Variants in CACNA1C observed in about 807,000 individuals in gnomAD.
CACNA1C encodes calcium voltage-gated channel subunit alpha1 C.
CACNA1C carries 30 observed loss-of-function variants against 229.0 expected under a neutral mutation model. The observed-to-expected ratio is 0.13, with a 90% CI of 0.10 to 0.18. CACNA1C has a LOEUF of 0.18. Among genes scored for constraint, CACNA1C ranks in the 10% least tolerant of loss-of-function variants. The pLI, the probability that CACNA1C is intolerant of heterozygous loss-of-function variation, is 1.00. For missense variants in CACNA1C, 1,658 were observed against 2,845.0 expected (o/e 0.58, Z 9.49); for synonymous variants, 1,114 against 1,132.5 (o/e 0.98, Z 0.33).
chr12:2,304,232 G>A (rs903274676), intron 3 of CACNA1C, among the ~76,000 whole-genome samples: 2 of 152,174 alleles, frequency 1.3e-5, no homozygotes, highest in African/African-American at 4.8e-5. Context: ...TGCCAGCCGG[G>A]CGTGTGTGTG....
At chr12:2,112,534 T>A (rs941169818) in intron 1 of CACNA1C, among the ~76,000 whole-genome samples, 4 of 152,038 alleles carry the variant, frequency 2.6e-5, no homozygotes, top group Non-Finnish European at 5.9e-5. Context: ...GGTGTCACAT[T>A]GAGAATGTGG....
At chr12:2,644,800 C>T (rs556642778) in intron 30 of CACNA1C, among the ~76,000 whole-genome samples, 5 of 152,344 alleles carry the variant, frequency 3.3e-5, no homozygotes, top group Admixed American at 3.3e-4. Context: ...AGAAAGACAG[C>T]TTTCCAGAGA....
At chr12:2,081,601 A>G (rs1267711300) in intron 1 of CACNA1C, among the ~76,000 whole-genome samples, 1 of 152,126 alleles carries the variant, frequency 6.6e-6, no homozygotes, top group Non-Finnish European at 1.5e-5. Context: ...TTTCCTATAA[A>G]CAAAGGCTGA....
At chr12:2,413,513 A>G (rs1168008600) in intron 3 of CACNA1C, among the ~76,000 whole-genome samples, 1 of 152,120 alleles carries the variant, frequency 6.6e-6, no homozygotes, top group Non-Finnish European at 1.5e-5. Flanking sequence ...ATTGGACCAG[A>G]CATGTGTCAA....
chr12:2,623,332 T>G (rs1005811071), intron 29 of CACNA1C, among the ~76,000 whole-genome samples: 1 of 152,078 alleles, frequency 6.6e-6, no homozygotes, highest in African/African-American at 2.4e-5. Context: ...TGCTTGGTCC[T>G]GAGTGCCCCC....
chr12:2,051,423 A>G (rs1440155969), upstream of CACNA1C, among the ~76,000 whole-genome samples: 1 of 152,186 alleles, frequency 6.6e-6, no homozygotes, highest in Non-Finnish European at 1.5e-5. Context: ...GTAACCATGG[A>G]TGGTTTTGAG....
Position 1,989,983 on chromosome 12 carries a change from C to T in CACNA1C, c.139+18782C>T, listed in dbSNP as rs117745943. The stretch of plus-strand genomic sequence containing the variant: ...GGCTAAAAAAACTTGCTTTTTAAAC[C>T]TTGGAGCGTACTCTAAAATAACTAA... On this transcript the variant is annotated intron_variant, in intron 1 of 46. Transcript: ENST00000682462. Among the ~76,000 whole-genome samples the T allele has an allele frequency of 2.7e-3, 409 of 152,180 alleles. 1 individual carries two copies. Among genetic ancestry groups the T allele is most frequent in the Non-Finnish European group, 4.7e-3 (320 of 67,998 alleles).
chr12:2,030,627 C>T (rs953499384), intron 1 of CACNA1C, among the ~76,000 whole-genome samples: 1 of 152,154 alleles, frequency 6.6e-6, no homozygotes, highest in Admixed American at 6.5e-5. Context: ...TCCTTAGGTG[C>T]GTGTGAAGTT....
intron 3 of CACNA1C, among the ~76,000 whole-genome samples, chr12:2,142,091 G>A (rs1215769030): frequency 6.6e-6 from 1 of 151,114 alleles, no homozygotes; most frequent in African/African-American, 2.4e-5. Context: ...GCCACCACCT[G>A]GCACGTGATG....
At position 2,412,276 on chromosome 12, in the gene CACNA1C, C is replaced by A. The variant is rs926835044; in HGVS notation, c.478-36700C>A. 9.2e-5 allele frequency among the ~76,000 whole-genome samples: 14 copies of A among 152,220 alleles called. 1 individual carries two copies. Among genetic ancestry groups the A allele is most frequent in the African/African-American group, 2.4e-5 (1 of 41,454 alleles). On this transcript the variant is annotated intron_variant, in intron 3 of 46. Transcript: ENST00000399655. ...CCTTCCACAGCACACACCGGAGAGG[C>A]CTTCTCTATGTGCCTCGATAACCTC...
intron 2 of CACNA1C, among the ~76,000 whole-genome samples, chr12:2,118,140 A>C (rs2084844143): frequency 6.6e-6 from 1 of 152,176 alleles, no homozygotes; most frequent in African/African-American, 2.4e-5. Flanking sequence ...CATGAAGTGA[A>C]GGATGGATAG....
In CACNA1C at chr12:2,677,058, C is replaced by T; in HGVS notation, c.4829-36C>T. 1.3e-6 allele frequency: 2 copies of T among 1,586,310 alleles called. No homozygotes were observed. The highest frequency in any genetic ancestry group is 2.2e-5 in the East Asian group (1 of 44,590). On this transcript the variant is annotated intron_variant, in intron 39 of 46. Coordinates refer to ENST00000399655, the MANE Select transcript of CACNA1C (RefSeq NM_000719.7). This position sits in a 1 kb window ranked among gnomAD's most constrained non-coding sequence, Gnocchi z 7.4. ...GAAGTTCAACTGAATTCCCCTGCTCCCCTCTTACCCCCTCTCCCCTCTCCA... is the reference window on the plus strand; with the variant it reads ...GAAGTTCAACTGAATTCCCCTGCTCTCCTCTTACCCCCTCTCCCCTCTCCA...
Position 2,035,096 on chromosome 12 carries a change from C to A in CACNA1C, c.139+63895C>A, listed in dbSNP as rs574456680. On this transcript the variant is annotated intron_variant, in intron 1 of 46. Transcript: ENST00000682462. The stretch of plus-strand genomic sequence containing the variant: ...CGCCCCCTGCTGGTGCGCGGAGATG[C>A]GCGGAGACCGCAAGGCCCGGGGGCG... Among the ~76,000 whole-genome samples, 266 of 152,280 alleles carry A rather than the reference C, an allele frequency of 1.7e-3. 1 individual carries two copies. The highest frequency in any genetic ancestry group is 6.2e-3 in the African/African-American group (256 of 41,576).
chr12:2,598,676 C>T (rs1260247162), intron 21 of CACNA1C, among the ~76,000 whole-genome samples: 1 of 152,194 alleles, frequency 6.6e-6, no homozygotes, highest in East Asian at 1.9e-4. Flanking sequence ...CAGCTGCAGG[C>T]CTCTCCTTCC....
At chr12:2,641,611 C>T in intron 30 of CACNA1C, 1 of 656,384 alleles carries the variant, frequency 1.5e-6, no homozygotes, top group South Asian at 1.7e-5. Context: ...CTAATGCTAC[C>T]AAGATGCCTT....
At chr12:2,570,230 A>G (rs1285533627) in intron 13 of CACNA1C, among the ~76,000 whole-genome samples, 1 of 152,178 alleles carries the variant, frequency 6.6e-6, no homozygotes, top group Non-Finnish European at 1.5e-5. Context: ...CAGGAGCACT[A>G]AAACCATCCG....
At chr12:2,660,221 GT>G (rs1162499893) in intron 34 of CACNA1C, 3 of 152,336 alleles carry the variant, frequency 2.0e-5, no homozygotes, top group Non-Finnish European at 2.9e-5. Context: ...AGCACAGATT[GT>G]TCAGAGTTGC....
At chr12:2,480,145 C>T (rs1468411231) in intron 5 of CACNA1C, among the ~76,000 whole-genome samples, 1 of 152,196 alleles carries the variant, frequency 6.6e-6, no homozygotes, top group Non-Finnish European at 1.5e-5. Context: ...ACTGGTTCCT[C>T]AAACCTCTTT....
chr12:2,125,603 TTCATAGA>T (rs2089684016), intron 3 of CACNA1C, among the ~76,000 whole-genome samples: 1 of 152,144 alleles, frequency 6.6e-6, no homozygotes. Context: ...GTGGCATAAG[TTCATAGA>T]GATGATTAAA....
Sources: gnomAD v4.1 joint callset for allele counts (sites outside exome capture counted in the v4.1 genomes callset) on GRCh38, gnomAD v4.1.1 for gene constraint, Gnocchi (gnomAD v3.1) non-coding constraint, MANE v1.5 for transcripts, NCBI Gene and HGNC (gene_info 2026-07-23, HGNC 2026-07-21) for gene names.